ASIC2: variants seen among roughly 807,000 people sequenced by gnomAD.
ASIC2 encodes the protein acid sensing ion channel subunit 2.
Under a neutral mutation model 57.3 loss-of-function variants are expected in ASIC2, and 25 were observed. The observed-to-expected ratio is 0.44, with a 90% confidence interval of 0.32 to 0.61. The LOEUF (loss-of-function observed/expected upper bound fraction) is 0.61. Among genes scored for constraint, ASIC2 ranks in the 20% least tolerant of loss-of-function variants. The pLI, the probability that ASIC2 is intolerant of heterozygous loss-of-function variation, is 0.06. For synonymous variants in ASIC2, 319 were observed against 307.5 expected (o/e 1.04, Z -0.39); for missense variants, 641 against 738.1 (o/e 0.87, Z 1.52).
At chr17:33,588,753 G>A (rs1904726890) in intron 1 of ASIC2, among the ~76,000 whole-genome samples, 1 of 152,222 alleles carries the variant, frequency 6.6e-6, no homozygotes. Context: ...TGGCTCCCCA[G>A]ATATGGAGAT....
intron 1 of ASIC2, among the ~76,000 whole-genome samples, chr17:33,241,380 A>G (rs1390626452): frequency 6.6e-6 from 1 of 152,194 alleles, no homozygotes; most frequent in South Asian, 2.1e-4. Flanking sequence ...CCATTCATGC[A>G]ATATTCAGCT....
chr17:34,058,421 T>G (rs1908850201), intron 1 of ASIC2, among the ~76,000 whole-genome samples: 1 of 152,164 alleles, frequency 6.6e-6, no homozygotes, highest in Non-Finnish European at 1.5e-5. Flanking sequence ...ATTTTCTCAT[T>G]TGTTCTCTTA....
At chr17:33,181,800 TG>T (rs1905994214) in intron 1 of ASIC2, among the ~76,000 whole-genome samples, 4 of 152,162 alleles carry the variant, frequency 2.6e-5, no homozygotes, top group Admixed American at 6.5e-5. Context: ...AGATATCTTT[TG>T]GGGGGCACCC....
At chr17:33,367,836 G>A (rs1291183025) in intron 1 of ASIC2, among the ~76,000 whole-genome samples, 1 of 152,160 alleles carries the variant, frequency 6.6e-6, no homozygotes, top group African/African-American at 2.4e-5. Flanking sequence ...CCTGGAACTT[G>A]CTTTATTTTT....
intron 1 of ASIC2, among the ~76,000 whole-genome samples, chr17:34,152,569 G>A (rs1050121169): frequency 3.9e-5 from 6 of 152,116 alleles, no homozygotes; most frequent in East Asian, 1.9e-4. Flanking sequence ...TGACTCCTGT[G>A]AATAGCCCGA....
intron 1 of ASIC2, among the ~76,000 whole-genome samples, chr17:33,139,080 C>T (rs1215230282): frequency 6.6e-6 from 1 of 152,184 alleles, no homozygotes; most frequent in Non-Finnish European, 1.5e-5. Context: ...CCTAAACCTC[C>T]TTCCAGCTCT....
intron 1 of ASIC2, among the ~76,000 whole-genome samples, chr17:33,131,927 A>G (rs942562081): frequency 6.6e-6 from 1 of 152,180 alleles, no homozygotes. Context: ...AAAAATCAAG[A>G]GTAGCCTCAG....
chr17:33,827,903 T>C (rs978684159), intron 1 of ASIC2: 1 of 152,098 alleles, frequency 6.6e-6, no homozygotes, highest in Non-Finnish European at 1.5e-5. Context: ...GGCCCCAGTG[T>C]GTGATGTTCC....
chr17:34,026,121 G>A (rs1340557729), intron 1 of ASIC2, among the ~76,000 whole-genome samples: 1 of 152,206 alleles, frequency 6.6e-6, no homozygotes, highest in African/African-American at 2.4e-5. Context: ...TGCTACGGTT[G>A]TGCAATTATT....
rs114184963 is a variant in ASIC2 at position 33,623,920 on chromosome 17, C to A, written c.556-511853G>T. 2.7e-3 allele frequency among the ~76,000 whole-genome samples: 409 copies of A among 152,318 alleles called. 3 individuals are homozygous for A. The highest frequency in any genetic ancestry group is 9.2e-3 in the African/African-American group (381 of 41,558). On this transcript the variant is annotated intron_variant, in intron 1 of 9. Coordinates refer to the ASIC2 transcript ENST00000359872. ...TCTGTCACCCTCCTCTGCCTTCTCT[C>A]TCTGGTGTCAGACGCAGACCTTCTG...
intron 1 of ASIC2, among the ~76,000 whole-genome samples, chr17:33,835,377 T>C (rs889774566): frequency 6.6e-6 from 1 of 152,232 alleles, no homozygotes; most frequent in Non-Finnish European, 1.5e-5. Context: ...CCCTACTTCT[T>C]GTCCGTTGAT....
intron 1 of ASIC2, among the ~76,000 whole-genome samples, chr17:34,142,758 C>T (rs1452899940): frequency 6.6e-6 from 1 of 152,176 alleles, no homozygotes; most frequent in African/African-American, 2.4e-5. Context: ...TGAAACATAT[C>T]TGTTTGCTAT....
intron 1 of ASIC2, among the ~76,000 whole-genome samples, chr17:34,099,763 AAAG>A (rs1404959287): frequency 4.0e-5 from 1 of 24,930 alleles, no homozygotes; most frequent in Non-Finnish European, 1.1e-4. Flanking sequence ...AGAAAGAAAG[AAAG>A]AAAGAAAGAA....
intron 1 of ASIC2, among the ~76,000 whole-genome samples, chr17:33,578,754 G>A (rs1049523865): frequency 6.6e-6 from 1 of 151,702 alleles, no homozygotes; most frequent in African/African-American, 2.4e-5. Flanking sequence ...TTTCAATACA[G>A]CCCCACCTGG....
chr17:33,365,762 T>C (rs998652543), intron 1 of ASIC2, among the ~76,000 whole-genome samples: 8 of 152,140 alleles, frequency 5.3e-5, no homozygotes, highest in South Asian at 2.1e-4. Context: ...TCATTTCCCA[T>C]AATTCCAAGA....
chr17:33,747,029 C>T (rs985366323), intron 1 of ASIC2, among the ~76,000 whole-genome samples: 8 of 152,112 alleles, frequency 5.3e-5, no homozygotes, highest in African/African-American at 9.7e-5. Context: ...GACTTGACAA[C>T]GATGTTCTCC....
At chr17:33,850,360 A>G (rs1421004018) in intron 1 of ASIC2, among the ~76,000 whole-genome samples, 2 of 152,246 alleles carry the variant, frequency 1.3e-5, no homozygotes, top group East Asian at 1.9e-4. Context: ...TCGTCGCCAC[A>G]TATCCTATTT....
chr17:34,067,272 T>G (rs927257029), intron 1 of ASIC2, among the ~76,000 whole-genome samples: 2 of 152,204 alleles, frequency 1.3e-5, no homozygotes, highest in Non-Finnish European at 2.9e-5. Context: ...GGCCTGGGCA[T>G]GTACAAGTAT....
At chr17:33,381,129 C>G (rs142329018) in intron 1 of ASIC2, among the ~76,000 whole-genome samples, 1 of 152,162 alleles carries the variant, frequency 6.6e-6, no homozygotes. Context: ...TTGCTTTGTC[C>G]GTAGAGAACA....
Sources: gnomAD v4.1 joint callset for allele counts (sites outside exome capture counted in the v4.1 genomes callset) on GRCh38, gnomAD v4.1.1 for gene constraint, MANE v1.5 for transcripts, NCBI Gene and HGNC (gene_info 2026-07-23, HGNC 2026-07-21) for gene names.